Variants in SHISA6 observed in about 807,000 individuals in gnomAD.
SHISA6 encodes protein shisa-6.
Under a neutral mutation model 47.9 loss-of-function variants are expected in SHISA6, and 22 were observed. The ratio of observed to expected loss-of-function variants is 0.46; its 90% CI spans 0.33 to 0.66. The LOEUF (loss-of-function observed/expected upper bound fraction) is 0.66. Ranked by LOEUF, SHISA6 falls within the 30% of genes least tolerant of loss-of-function variation. The pLI is 0.02. For synonymous variants in SHISA6, 388 were observed against 337.8 expected (o/e 1.15, Z -1.63); for missense variants, 680 against 764.6 (o/e 0.89, Z 1.30).
In SHISA6 at chr17:11,275,562, G is replaced by A. The variant is rs548005065; in HGVS notation, c.799+12036G>A. 1.7e-4 allele frequency among the ~76,000 whole-genome samples: 26 copies of A among 152,226 alleles called. No homozygotes were observed. The South Asian group carries it at 2.3e-3, about 13-fold the overall frequency. ...TGGAGGAGGCAGAAAATAAACCCAC[G>A]GACATATACTTGAAATCAGGCAATA... On this transcript the variant is annotated intron_variant, in intron 2 of 5. Transcript: ENST00000441885.
At chr17:11,522,584 A>C (rs991340815) in intron 3 of SHISA6, among the ~76,000 whole-genome samples, 1 of 152,162 alleles carries the variant, frequency 6.6e-6, no homozygotes, top group African/African-American at 2.4e-5. Flanking sequence ...ATATTTATTT[A>C]AAATGTGCCT....
chr17:11,286,531 T>C (rs1857044942), intron 2 of SHISA6, among the ~76,000 whole-genome samples: 1 of 152,194 alleles, frequency 6.6e-6, no homozygotes, highest in South Asian at 2.1e-4. Context: ...CATTCTGCCC[T>C]TGACCCAAGT....
At chr17:11,418,035 A>C (rs1914335723) in intron 3 of SHISA6, among the ~76,000 whole-genome samples, 1 of 152,236 alleles carries the variant, frequency 6.6e-6, no homozygotes, top group Admixed American at 6.5e-5. Flanking sequence ...GTACATGTGG[A>C]ATACACCTCA....
At chr17:11,502,087 A>G (rs184072140) in intron 3 of SHISA6, among the ~76,000 whole-genome samples, 40 of 152,302 alleles carry the variant, frequency 2.6e-4, no homozygotes, top group African/African-American at 8.7e-4. Flanking sequence ...CAGTCTAACC[A>G]CACTGCCATA....
At position 11,343,159 on chromosome 17, in the gene SHISA6, A is replaced by G. The variant is rs1216795458; in HGVS notation, c.800-36255A>G. On this transcript the variant is annotated intron_variant, in intron 2 of 5. Coordinates refer to ENST00000441885, the MANE Select transcript of SHISA6 (RefSeq NM_207386.4). ...TAGCTCTGAGACAAATTAATAATTT[A>G]TTTAGGATAGTAACTGAAAATTGTG... 2.6e-5 allele frequency among the ~76,000 whole-genome samples: 4 copies of G among 152,228 alleles called. No homozygotes were observed. The East Asian group carries it at 5.8e-4, about 22-fold the overall frequency.
chr17:11,496,164 C>T (rs939556774), intron 3 of SHISA6, among the ~76,000 whole-genome samples: 2 of 152,172 alleles, frequency 1.3e-5, no homozygotes, highest in Admixed American at 1.3e-4. Flanking sequence ...AGTGGGGCCT[C>T]CCCATTAGTC....
chr17:11,305,683 T>G (rs1910086972), intron 2 of SHISA6, among the ~76,000 whole-genome samples: 1 of 152,222 alleles, frequency 6.6e-6, no homozygotes. Context: ...CCGGAACATT[T>G]TCTTTGTGGT....
chr17:11,432,870 A>G (rs1333947317), intron 3 of SHISA6, among the ~76,000 whole-genome samples: 1 of 152,118 alleles, frequency 6.6e-6, no homozygotes, highest in Non-Finnish European at 1.5e-5. Context: ...AGAAACAGAA[A>G]GTAGATTATT....
At chr17:11,327,110 G>A (rs1050687497) in intron 2 of SHISA6, among the ~76,000 whole-genome samples, 2 of 152,194 alleles carry the variant, frequency 1.3e-5, no homozygotes, top group Non-Finnish European at 2.9e-5. Flanking sequence ...AATAAATGCT[G>A]TTGAGGATAG....
intron 3 of SHISA6, among the ~76,000 whole-genome samples, chr17:11,548,918 T>C (rs1172326759): frequency 6.6e-6 from 1 of 152,214 alleles, no homozygotes; most frequent in Non-Finnish European, 1.5e-5. Flanking sequence ...ATTAAAGTAG[T>C]ATATGCAGCA....
chr17:11,552,757 A>C lies in SHISA6; in HGVS notation c.952+805A>C, dbSNP rs571696415. Among the ~76,000 whole-genome samples the C allele has an allele frequency of 2.0e-5, 3 of 152,338 alleles. No individual in the cohort carries two copies. In the East Asian group the frequency reaches 5.8e-4, roughly 29 times the overall value. On this transcript the variant is annotated intron_variant, in intron 4 of 5. Transcript: ENST00000441885. ...CAGCACTGAAGTTGAGGGATATTAT[A>C]ATTAGGAGGAAGAGATTGGAATATT... is the stretch of plus-strand genomic sequence containing the variant.
At chr17:11,526,715 G>T (rs2071685172) in intron 3 of SHISA6, among the ~76,000 whole-genome samples, 1 of 151,888 alleles carries the variant, frequency 6.6e-6, no homozygotes, top group Non-Finnish European at 1.5e-5. Context: ...TAAGCATTTT[G>T]CTGAAGCATT....
Position 11,482,422 on chromosome 17 carries a change from G to A in SHISA6, c.896-69474G>A, listed in dbSNP as rs982268364. 1.6e-4 allele frequency among the ~76,000 whole-genome samples: 25 copies of A among 152,196 alleles called. No homozygotes were observed. The East Asian group carries it at 3.9e-3, about 23-fold the overall frequency. On this transcript the variant is annotated intron_variant, in intron 3 of 5. Transcript: ENST00000441885. ...GAAGGTTCTGATCTAAGAATACACC[G>A]GCCAACCAAGGTATCATTTACTTTT...
intron 2 of SHISA6, among the ~76,000 whole-genome samples, chr17:11,268,867 C>A (rs1403299538): frequency 6.6e-6 from 1 of 152,128 alleles, no homozygotes; most frequent in African/African-American, 2.4e-5. Flanking sequence ...AGCACAGATG[C>A]TGGTTATGCA....
intron 2 of SHISA6, among the ~76,000 whole-genome samples, chr17:11,270,220 C>T (rs1039413147): frequency 6.6e-6 from 1 of 152,218 alleles, no homozygotes; most frequent in African/African-American, 2.4e-5. Flanking sequence ...GTGAGCTGCT[C>T]GCCTTCGCCT....
chr17:11,361,693 A>G (rs1316110873), intron 2 of SHISA6, among the ~76,000 whole-genome samples: 2 of 152,228 alleles, frequency 1.3e-5, no homozygotes, highest in Non-Finnish European at 2.9e-5. Context: ...CAGGGCTCAG[A>G]GCTTCAATTC....
rs77349583 is a variant in SHISA6 at position 11,456,726 on chromosome 17, G to A, written c.895+77217G>A. 5.3e-3 allele frequency among the ~76,000 whole-genome samples: 806 copies of A among 152,302 alleles called. 9 individuals carry two copies. The highest frequency in any genetic ancestry group is 0.019 in the African/African-American group (772 of 41,562). ...TGGACCGCCCCCCTCTGCACACGAA[G>A]AACTGCAGGACTTGGAGGCTGTCTC... is the stretch of plus-strand genomic sequence containing the variant. On this transcript the variant is annotated intron_variant, in intron 3 of 5. Transcript: ENST00000441885.
intron 2 of SHISA6, among the ~76,000 whole-genome samples, chr17:11,340,787 G>C (rs931991715): frequency 3.9e-5 from 6 of 152,212 alleles, no homozygotes; most frequent in African/African-American, 1.4e-4. Context: ...ACAGTTTCTT[G>C]AAGCACTGAA....
intron 3 of SHISA6, among the ~76,000 whole-genome samples, chr17:11,538,915 C>T (rs1032509485): frequency 1.1e-4 from 16 of 152,040 alleles, no homozygotes; most frequent in African/African-American, 3.6e-4. Context: ...TATATCACCT[C>T]TTTGTTTTTT....
Sources: gnomAD v4.1 joint callset for allele counts (sites outside exome capture counted in the v4.1 genomes callset) on GRCh38, gnomAD v4.1.1 for gene constraint, MANE v1.5 for transcripts, NCBI Gene and HGNC (gene_info 2026-07-23, HGNC 2026-07-21) for gene names.